The following KIAA1217 variants were observed in gnomAD, a reference collection of about 807,000 sequenced individuals.
KIAA1217 encodes the protein KIAA1217, also known as sickle tail protein homolog.
In KIAA1217, 88 loss-of-function variants were observed where a neutral mutation model predicts 163.9. The ratio of observed to expected loss-of-function variants is 0.54; its 90% CI spans 0.45 to 0.64. KIAA1217 has a LOEUF of 0.64. KIAA1217 is among the 30% of genes least tolerant of loss of function. The pLI is 0.00. For missense variants in KIAA1217, 2,372 were observed against 2,475.0 expected (o/e 0.96, Z 0.88); for synonymous variants, 903 against 923.1 (o/e 0.98, Z 0.39).
intron 1 of KIAA1217, among the ~76,000 whole-genome samples, chr10:23,944,711 C>T (rs145266944): frequency 1.1e-3 from 162 of 152,170 alleles, no homozygotes; most frequent in African/African-American, 3.6e-3. Flanking sequence ...AAACTGGAAC[C>T]GTCATGCATT....
chr10:24,133,870 A>T (rs1046840112), intron 2 of KIAA1217, among the ~76,000 whole-genome samples: 2 of 152,200 alleles, frequency 1.3e-5, no homozygotes, highest in Non-Finnish European at 2.9e-5. Context: ...GTGAAAATAG[A>T]ACTTTTTCTT....
rs371499309 is a variant in KIAA1217 at position 24,177,498 on chromosome 10, A to G, written c.-170-42128A>G. 3.0e-3 allele frequency among the ~76,000 whole-genome samples: 451 copies of G among 151,346 alleles called. 1 individual carries two copies. The highest frequency in any genetic ancestry group is 0.01 in the African/African-American group (425 of 41,184). On this transcript the variant is annotated intron_variant, in intron 2 of 18. Coordinates refer to the KIAA1217 transcript ENST00000376462. ...ACATGCACACGCAAGTATCTTTTTCATATAATGACTTCTTTTCCCCTGGAT... is the reference window on the plus strand; with the variant it reads ...ACATGCACACGCAAGTATCTTTTTCGTATAATGACTTCTTTTCCCCTGGAT...
intron 2 of KIAA1217, among the ~76,000 whole-genome samples, chr10:24,363,561 GT>G (rs965092942): frequency 1.6e-5 from 1 of 64,262 alleles, no homozygotes; most frequent in African/African-American, 4.0e-5. Flanking sequence ...TGTGGGTTTT[GT>G]TTTTGTTTTT....
chr10:24,142,939 G>A (rs2131838051), intron 2 of KIAA1217, among the ~76,000 whole-genome samples: 2 of 152,282 alleles, frequency 1.3e-5, no homozygotes, highest in South Asian at 4.1e-4. Flanking sequence ...ATCCACAGGA[G>A]GGGGAAAAAC....
At chr10:24,085,713 C>T (rs552197354) in intron 2 of KIAA1217, among the ~76,000 whole-genome samples, 1 of 152,206 alleles carries the variant, frequency 6.6e-6, no homozygotes, top group Non-Finnish European at 1.5e-5. Flanking sequence ...TAGCTCACGC[C>T]TATGGTCCCA....
At chr10:23,704,172 G>GTGTGTGTGTA (rs1229370789) in intron 1 of KIAA1217, among the ~76,000 whole-genome samples, 42 of 39,940 alleles carry the variant, frequency 1.1e-3, no homozygotes, top group African/African-American at 2.4e-3. Context: ...GTGTGTGTGT[G>GTGTGTGTGTA]TATATATATA....
At chr10:24,141,225 A>AC (rs34205608) in intron 2 of KIAA1217, among the ~76,000 whole-genome samples, 14,135 of 76,120 alleles carry the variant, frequency 0.19, 2,105 homozygotes, top group African/African-American at 0.26. Context: ...GAAAGAATAA[A>AC]CCCCCCCCCC....
At chr10:23,766,543 ATTCT>A (rs1463121604) in intron 1 of KIAA1217, among the ~76,000 whole-genome samples, 4 of 147,170 alleles carry the variant, frequency 2.7e-5, no homozygotes, top group African/African-American at 1.0e-4. Context: ...AGAACACATC[ATTCT>A]TTCTTTTTTC....
chr10:24,455,950 G>A (rs2061743448), intron 5 of KIAA1217, among the ~76,000 whole-genome samples: 1 of 152,102 alleles, frequency 6.6e-6, no homozygotes, highest in Admixed American at 6.6e-5. Flanking sequence ...GTGCAGTGGT[G>A]CAGTGGTTCA....
chr10:23,994,998 A>T (rs935241852), intron 1 of KIAA1217, among the ~76,000 whole-genome samples: 7 of 152,322 alleles, frequency 4.6e-5, no homozygotes, highest in South Asian at 4.1e-4. Context: ...AATAAAAATT[A>T]AAAAAACTTG....
chr10:23,753,948 C>G (rs1361460653), intron 1 of KIAA1217, among the ~76,000 whole-genome samples: 4 of 152,156 alleles, frequency 2.6e-5, no homozygotes, highest in African/African-American at 7.2e-5. Context: ...TCTTGCTAGA[C>G]CCAGCTCAAA....
At chr10:24,282,043 C>T (rs1361714751) in intron 2 of KIAA1217, among the ~76,000 whole-genome samples, 5 of 151,640 alleles carry the variant, frequency 3.3e-5, no homozygotes, top group East Asian at 1.9e-4. Flanking sequence ...GGTGACAGAG[C>T]GAGACTCCAT....
chr10:23,986,373 C>T (rs1845971041), intron 1 of KIAA1217, among the ~76,000 whole-genome samples: 1 of 152,118 alleles, frequency 6.6e-6, no homozygotes, highest in African/African-American at 2.4e-5. Context: ...TTCCAGGATC[C>T]TCCAGTGAAT....
chr10:24,255,635 C>G lies in KIAA1217; in HGVS notation c.354+35726C>G, dbSNP rs529791831. On this transcript the variant is annotated intron_variant, in intron 2 of 20. Transcript: ENST00000376454. Reference sequence around the variant, plus strand: ...CTGATTCTGGGGTTTCCCTGCCCCCCCTGGGGTCCCTAAACTGCTGTGTGA... The same window carrying G: ...CTGATTCTGGGGTTTCCCTGCCCCCGCTGGGGTCCCTAAACTGCTGTGTGA... 1.1e-3 allele frequency: 477 copies of G among 427,698 alleles called. 2 individuals are homozygous for G. Among genetic ancestry groups the G allele is most frequent in the Non-Finnish European group, 7.4e-4 (158 of 213,770 alleles). The allele number at this position is 427,698 out of a possible 1,614,324, so 26.5% of individuals were successfully genotyped here.
chr10:24,311,917 C>CTT (rs79470232), intron 2 of KIAA1217, among the ~76,000 whole-genome samples: 2,251 of 152,196 alleles, frequency 0.015, 52 homozygotes, highest in East Asian at 0.12. Flanking sequence ...GTATAGCTGG[C>CTT]TTTTTTGTAA....
At chr10:24,538,579 A>AGGAAGGAC in intron 17 of KIAA1217, among the ~76,000 whole-genome samples, 1 of 77,444 alleles carries the variant, frequency 1.3e-5, no homozygotes, top group African/African-American at 4.8e-5. Flanking sequence ...GAAGGAAGGA[A>AGGAAGGAC]GGAAGGAAGG....
intron 2 of KIAA1217, among the ~76,000 whole-genome samples, chr10:24,352,542 T>C (rs1322793558): frequency 6.6e-6 from 1 of 152,210 alleles, no homozygotes. Flanking sequence ...ATGTTCCATC[T>C]GTTTAGACTC....
intron 3 of KIAA1217, among the ~76,000 whole-genome samples, chr10:24,387,499 A>G (rs1294744351): frequency 5.3e-5 from 8 of 152,242 alleles, no homozygotes; most frequent in Non-Finnish European, 7.3e-5. Flanking sequence ...GGTAGAAGAC[A>G]GGGATGCCCT....
intron 2 of KIAA1217, among the ~76,000 whole-genome samples, chr10:24,148,114 A>G (rs1331821787): frequency 6.6e-6 from 1 of 152,114 alleles, no homozygotes; most frequent in Non-Finnish European, 1.5e-5. Context: ...AATAAAAGCC[A>G]TATATGGATA....
Sources: allele counts gnomAD v4.1 joint callset (sites outside exome capture counted in the v4.1 genomes callset), GRCh38; gene constraint gnomAD v4.1.1; transcripts MANE v1.5; gene names NCBI Gene and HGNC (gene_info 2026-07-23, HGNC 2026-07-21).